EPG5: variants seen among roughly 807,000 people sequenced by gnomAD.
The protein encoded by EPG5 is ectopic P granules protein 5 homolog.
EPG5 carries 159 observed loss-of-function variants against 302.7 expected under a neutral mutation model. The ratio of observed to expected loss-of-function variants is 0.53; its 90% confidence interval spans 0.46 to 0.60. The LOEUF (loss-of-function observed/expected upper bound fraction) is 0.60, where lower values mean the gene tolerates loss of function less well. Among genes scored for constraint, EPG5 ranks in the 20% least tolerant of loss-of-function variants. The probability of loss-of-function intolerance (pLI) is 0.00; values close to 1 mark genes in which losing one functional copy is unlikely to be tolerated. For synonymous variants in EPG5, 1,158 were observed against 1,136.8 expected (o/e 1.02, Z -0.37); for missense variants, 2,896 against 3,092.4 (o/e 0.94, Z 1.51).
rs202231195 is a variant in EPG5 at position 45,878,995 on chromosome 18, G to C, written c.5869+18C>G. Reference sequence around the variant, plus strand: ...AAGTCCAAACACCTAGCTCCACATCGCATGAGAAGTATATTACCTGTTTTC... The same window carrying C: ...AAGTCCAAACACCTAGCTCCACATCCCATGAGAAGTATATTACCTGTTTTC... On this transcript the variant is annotated intron_variant, in intron 33 of 43. Coordinates refer to ENST00000282041, the MANE Select transcript of EPG5 (RefSeq NM_020964.3). 1 of 1,605,412 alleles carries C rather than the reference G, an allele frequency of 6.2e-7. No individual in the cohort carries two copies. The highest frequency in any genetic ancestry group is 1.3e-5 in the African/African-American group (1 of 74,710).
At chr18:45,837,053 A>C in the EPG5 span, 1 of 1,546,692 alleles carries the variant, frequency 6.5e-7, no homozygotes, top group Non-Finnish European at 8.9e-7. Context: ...ACTAAAATAG[A>C]TACTACGGAG....
chr18:45,911,235 T>C (rs766324867), intron 22 of EPG5, among the ~76,000 whole-genome samples: 1 of 150,740 alleles, frequency 6.6e-6, no homozygotes, highest in African/African-American at 2.4e-5. Context: ...CTGACTCTCC[T>C]GCCTCAGCCT....
At chr18:45,855,388 T>C in intron 43 of EPG5, 185 bp downstream of exon 43, 3 of 543,932 alleles carry the variant, frequency 5.5e-6, no homozygotes, top group Non-Finnish European at 3.3e-6. Context: ...TCTAGACAAC[T>C]GCCTACAAAA....
chr18:45,886,588 G>C (rs1317147475), intron 29 of EPG5, among the ~76,000 whole-genome samples: 7 of 152,160 alleles, frequency 4.6e-5, no homozygotes, highest in Admixed American at 3.3e-4. Flanking sequence ...AGTATTTCTA[G>C]GTAGTTAGGA....
At chr18:45,946,867 C>T in intron 6 of EPG5, 99 bp from the exon 7 acceptor site, 1 of 892,614 alleles carries the variant, frequency 1.1e-6, no homozygotes. Context: ...CACATCATCC[C>T]AATCTTCCAA....
At chr18:45,895,551 T>C (rs538669287) in intron 27 of EPG5, among the ~76,000 whole-genome samples, 3 of 152,116 alleles carry the variant, frequency 2.0e-5, no homozygotes, top group Non-Finnish European at 4.4e-5. Flanking sequence ...AAGAAGATGA[T>C]GTCATATGAA....
At chr18:45,838,724 C>T in the EPG5 span, 1 of 1,575,678 alleles carries the variant, frequency 6.3e-7, no homozygotes, top group Non-Finnish European at 8.5e-7. Context: ...GCAGCCGCGC[C>T]GCGGATCGTC....
chr18:45,805,060 C>A, the EPG5 span, among the ~76,000 whole-genome samples: 1 of 151,798 alleles, frequency 6.6e-6, no homozygotes, highest in Non-Finnish European at 1.5e-5. Flanking sequence ...ATTCTTAGAG[C>A]GGACATTGGG....
chr18:45,860,107 C>G lies in EPG5; in HGVS notation c.7006G>C (p.Glu2336Gln), dbSNP rs1392366444. The change falls in exon 40 of 44, where the codon GAA (glutamate) becomes CAA (glutamine). Residue 2336 changes from glutamate (E) to glutamine (Q), a missense_variant. This residue lies in a region of EPG5 where 620 missense variants were observed against 704.2 expected (regional missense o/e 0.88). Coordinates refer to ENST00000282041, the MANE Select transcript of EPG5 (RefSeq NM_020964.3). ...GCGTAAGATGACCTCCTCTTACTTT[C>G]TTTGAAGTAGGCAGTGATGCAGGCT... Reference protein sequence around the residue: ...TEACITAYFKESPLNQNSGWG... With the variant: ...TEACITAYFKQSPLNQNSGWG... 1.2e-6 allele frequency: 2 copies of G among 1,614,168 alleles called. No homozygotes were observed. Among genetic ancestry groups the G allele is most frequent in the Non-Finnish European group, 8.5e-7 (1 of 1,180,036 alleles).
chr18:45,802,705 A>G, the EPG5 span, among the ~76,000 whole-genome samples: 1 of 152,164 alleles, frequency 6.6e-6, no homozygotes, highest in Non-Finnish European at 1.5e-5. Context: ...CTCACTCTGC[A>G]TGACTGAATG....
At position 45,967,228 on chromosome 18, in the gene EPG5, C is replaced by G. The variant is rs545101317; in HGVS notation, c.12G>C (p.Ala4=). The change falls in exon 1 of 44, where the codon GCG becomes GCC. Residue 4 remains alanine, a synonymous_variant. Transcript: ENST00000282041. MAE[A]VKPQRRAKAK... ...CCTTGGCCCGGCGCTGGGGCTTCAC[C>G]GCCTCGGCCATAGACCCTTCCGCGG... 2 of 1,603,372 alleles carry G rather than the reference C, an allele frequency of 1.2e-6. No homozygotes were observed. Among genetic ancestry groups the G allele is most frequent in the Non-Finnish European group, 1.7e-6 (2 of 1,175,244 alleles).
At position 45,967,295 on chromosome 18, in the gene EPG5, C is replaced by A; in HGVS notation, c.-56G>T. 2 of 1,492,942 alleles carry A rather than the reference C, an allele frequency of 1.3e-6. No individual in the cohort carries two copies. The highest frequency in any genetic ancestry group is 1.8e-6 in the Non-Finnish European group (2 of 1,111,482). The allele number at this position is 1,492,942 out of a possible 1,614,324, so 92.5% of individuals were successfully genotyped here. ...TTTTGTCAAACCCCTGCGCTTCAAGCAACCTGCCCGGTTCTGGCCTCCGGA... is the reference window on the plus strand; with the variant it reads ...TTTTGTCAAACCCCTGCGCTTCAAGAAACCTGCCCGGTTCTGGCCTCCGGA... On this transcript the variant is annotated 5_prime_UTR_variant, in exon 1 of 44. Transcript: ENST00000282041.
the EPG5 span, chr18:45,837,528 G>T: frequency 8.2e-4 from 1,251 of 1,516,524 alleles, 7 homozygotes; most frequent in African/African-American, 0.011. Context: ...CCAGCGCAGC[G>T]CTGGTCCATG....
the EPG5 span, chr18:45,837,910 G>T: frequency 1.3e-6 from 2 of 1,485,926 alleles, no homozygotes; most frequent in Non-Finnish European, 1.8e-6. Context: ...AGGCGGCGTG[G>T]GAGCGGGTCC....
rs749496135 is a variant in EPG5 at position 45,899,553 on chromosome 18, G to A, written c.4660C>T (p.Arg1554Trp). 17 of 1,613,886 alleles carry A rather than the reference G, an allele frequency of 1.1e-5. No individual in the cohort carries two copies. Among genetic ancestry groups the A allele is most frequent in the East Asian group, 8.9e-5 (4 of 44,892 alleles). Reference sequence around the variant, plus strand: ...TCCAGAGCAACCTGCTGAGATTCCCGAAGAGCTGCGGTTCTGAAAAACATC... The same window carrying A: ...TCCAGAGCAACCTGCTGAGATTCCCAAAGAGCTGCGGTTCTGAAAAACATC... The part of the protein sequence containing the change: ...LQQQARTAAL[R>W]ESQQVALDGE... Residue 1554 changes from arginine (R) to tryptophan (W), a missense_variant, in exon 27 of 44, where the codon CGG becomes TGG. Physicochemically the swap from Arg to Trp is moderately radical, Grantham distance 101. Coordinates refer to ENST00000282041, the MANE Select transcript of EPG5 (RefSeq NM_020964.3).
At chr18:45,840,546 C>T in the EPG5 span, among the ~76,000 whole-genome samples, 1 of 152,340 alleles carries the variant, frequency 6.6e-6, no homozygotes, top group African/African-American at 2.4e-5. Context: ...ATTGGGGACA[C>T]TCATCCCCGT....
At position 45,860,093 on chromosome 18, in the gene EPG5, C is replaced by T; in HGVS notation, c.7009+11G>A. Reference sequence around the variant, plus strand: ...ACCAATACAATGGAGCGTAAGATGACCTCCTCTTACTTTCTTTGAAGTAGG... The same window carrying T: ...ACCAATACAATGGAGCGTAAGATGATCTCCTCTTACTTTCTTTGAAGTAGG... On this transcript the variant is annotated intron_variant, in intron 40 of 43. Transcript: ENST00000282041. 1 of 1,613,896 alleles carries T rather than the reference C, an allele frequency of 6.2e-7. No homozygotes were observed. Among genetic ancestry groups the T allele is most frequent in the Non-Finnish European group, 8.5e-7 (1 of 1,179,858 alleles).
intron 2 of EPG5, 78 bp downstream of exon 2, chr18:45,954,316 G>T: frequency 7.5e-7 from 1 of 1,337,756 alleles, no homozygotes; most frequent in Non-Finnish European, 1.0e-6. Flanking sequence ...GTGGGTGTAA[G>T]GCACAGACTC....
At chr18:45,901,508 T>C (rs949413646) in intron 25 of EPG5, among the ~76,000 whole-genome samples, 5 of 152,088 alleles carry the variant, frequency 3.3e-5, no homozygotes, top group African/African-American at 1.2e-4. Context: ...GGTCACCCAG[T>C]TAAGGTTTTA....
Sources: gnomAD v4.1 joint callset for allele counts (sites outside exome capture counted in the v4.1 genomes callset) on GRCh38, gnomAD v4.1.1 for gene constraint, gnomAD v4.1.1 regional missense constraint, MANE v1.5 for transcripts, NCBI Gene and HGNC (gene_info 2026-07-23, HGNC 2026-07-21) for gene names.